Variants in ADAMTS3 observed in about 807,000 individuals in gnomAD.
ADAMTS3 encodes ADAM metallopeptidase with thrombospondin type 1 motif 3.
ADAMTS3 carries 73 observed loss-of-function variants against 129.0 expected under a neutral mutation model. The ratio of observed to expected loss-of-function variants is 0.57; its 90% CI spans 0.47 to 0.69. The LOEUF is 0.69. Among genes scored for constraint, ADAMTS3 ranks in the 30% least tolerant of loss-of-function variants. The probability of loss-of-function intolerance (pLI) is 0.00; values close to 1 mark genes in which losing one functional copy is unlikely to be tolerated. For synonymous variants in ADAMTS3, 477 were observed against 510.8 expected (o/e 0.93, Z 0.89); for missense variants, 1,457 against 1,514.5 (o/e 0.96, Z 0.63).
chr4:72,529,930 A>C (rs182982466), intron 3 of ADAMTS3, among the ~76,000 whole-genome samples: 1 of 39,066 alleles, frequency 2.6e-5, no homozygotes, highest in African/African-American at 9.7e-5. Flanking sequence ...AATATTATAT[A>C]ATATATTATA....
In ADAMTS3 at chr4:72,309,424, T is replaced by C. The variant is rs760660569; in HGVS notation, c.2152A>G (p.Thr718Ala). ...DNSHCRTVKG[T>A]FTRTPRKLGY... is the part of the protein sequence containing the mutation. ...AGCTTCCTGGGAGTTCTGGTAAATGTCCCCTTCACGGTTCGGCAGTGGGAA... is the reference window on the plus strand; with the variant it reads ...AGCTTCCTGGGAGTTCTGGTAAATGCCCCCTTCACGGTTCGGCAGTGGGAA... Residue 718 changes from threonine (T) to alanine (A), a missense_variant, in exon 15 of 22, where the codon ACA becomes GCA. By Grantham distance (58) the Thr-to-Ala change is moderately conservative. Coordinates refer to ENST00000286657, the MANE Select transcript of ADAMTS3 (RefSeq NM_014243.3). The C allele has an allele frequency of 6.2e-7, 1 of 1,612,050 alleles. No homozygotes were observed. The highest frequency in any genetic ancestry group is 8.5e-7 in the Non-Finnish European group (1 of 1,178,562).
intron 4 of ADAMTS3, among the ~76,000 whole-genome samples, chr4:72,340,915 C>T (rs1481334091): frequency 6.6e-6 from 1 of 152,122 alleles, no homozygotes; most frequent in Non-Finnish European, 1.5e-5. Flanking sequence ...ATTTTATAAG[C>T]TGCCTTGATG....
chr4:72,421,133 C>A (rs1474567487), intron 3 of ADAMTS3, among the ~76,000 whole-genome samples: 1 of 152,198 alleles, frequency 6.6e-6, no homozygotes, highest in Non-Finnish European at 1.5e-5. Flanking sequence ...TAGACCATGG[C>A]CTATAAGGCC....
intron 4 of ADAMTS3, among the ~76,000 whole-genome samples, chr4:72,375,183 T>C (rs1240708407): frequency 2.6e-5 from 4 of 152,182 alleles, no homozygotes; most frequent in African/African-American, 7.2e-5. Flanking sequence ...CCCAAAACTA[T>C]GACTCAGTAA....
chr4:72,539,046 T>C (rs982860036), intron 3 of ADAMTS3, among the ~76,000 whole-genome samples: 5 of 151,676 alleles, frequency 3.3e-5, no homozygotes, highest in African/African-American at 1.2e-4. Context: ...ATATAAGACA[T>C]AAAACTAAAA....
intron 2 of ADAMTS3, among the ~76,000 whole-genome samples, chr4:72,555,943 A>G (rs1721753203): frequency 6.6e-6 from 1 of 151,626 alleles, no homozygotes; most frequent in African/African-American, 2.4e-5. Flanking sequence ...ACATTTCCTG[A>G]GGTCCCCCCT....
rs1482451358 is a variant in ADAMTS3, at chr4:72,304,311, G to A, written c.2261-231C>T. Among the ~76,000 whole-genome samples the A allele has an allele frequency of 3.3e-5, 5 of 152,114 alleles. No homozygotes were observed. In the South Asian group the frequency reaches 1.0e-3, roughly 32 times the overall value. On this transcript the variant is annotated intron_variant, in intron 16 of 21. Coordinates refer to ENST00000286657, the MANE Select transcript of ADAMTS3 (RefSeq NM_014243.3). ...AAAAATACAGCAAGATGGTTAAATA[G>A]GCAAAAATAATGTTTGCAAATATTC...
chr4:72,559,593 T>C (rs1721850330), intron 2 of ADAMTS3, among the ~76,000 whole-genome samples: 1 of 151,668 alleles, frequency 6.6e-6, no homozygotes, highest in Admixed American at 6.6e-5. Flanking sequence ...ACCTAAAATG[T>C]ACGGATTAGA....
intron 5 of ADAMTS3, among the ~76,000 whole-genome samples, chr4:72,338,183 C>G (rs77350838): frequency 6.6e-6 from 1 of 152,028 alleles, no homozygotes; most frequent in Admixed American, 6.6e-5. Flanking sequence ...GATAAAGAGA[C>G]AGAAGCAGGA....
chr4:72,317,818 G>A (rs1719439142), intron 10 of ADAMTS3, among the ~76,000 whole-genome samples: 2 of 152,130 alleles, frequency 1.3e-5, no homozygotes, highest in African/African-American at 4.8e-5. Flanking sequence ...ACAAGGTCAA[G>A]GAGTTTGAGA....
chr4:72,349,851 C>T (rs542420146), intron 4 of ADAMTS3, among the ~76,000 whole-genome samples: 3 of 151,938 alleles, frequency 2.0e-5, no homozygotes, highest in South Asian at 2.1e-4. Context: ...ATTGAAGAAG[C>T]GGTCATTCTA....
At chr4:72,426,474 A>C (rs974965058) in intron 3 of ADAMTS3, among the ~76,000 whole-genome samples, 1 of 152,146 alleles carries the variant, frequency 6.6e-6, no homozygotes, top group African/African-American at 2.4e-5. Flanking sequence ...TACCCAAACT[A>C]TAATCTCACT....
At position 72,325,007 on chromosome 4, in the gene ADAMTS3, G is replaced by A. The variant is rs558712255; in HGVS notation, c.862-1910C>T. Among the ~76,000 whole-genome samples the A allele has an allele frequency of 2.6e-5, 4 of 152,026 alleles. No homozygotes were observed. The East Asian group carries it at 7.7e-4, about 29-fold the overall frequency. On this transcript the variant is annotated intron_variant, in intron 5 of 21. Coordinates refer to ENST00000286657, the MANE Select transcript of ADAMTS3 (RefSeq NM_014243.3). ...ACATAATAAAAATAATATCTCATAG[G>A]GTTAGGGTGAGAATTAAGAGAGTTA...
At position 72,550,041 on chromosome 4, in the gene ADAMTS3, AAG is replaced by A. The variant is rs1560564090; in HGVS notation, c.98-1159_98-1158del. On this transcript the variant is annotated intron_variant, in intron 2 of 21. Transcript: ENST00000286657. ...GAAGAAGAAGAAGAAGAAGAAGAAG[AAG>A]AGGAAGAGGAAGAGGAAGAGGAAGA... Among the ~76,000 whole-genome samples, 3 of 12,098 alleles carry A rather than the reference AAG, an allele frequency of 2.5e-4. 1 individual carries two copies. The highest frequency in any genetic ancestry group is 5.4e-3 in the East Asian group (2 of 370). The allele number at this position is 12,098 out of a possible 152,430, so 7.9% of individuals were successfully genotyped here.
intron 5 of ADAMTS3, among the ~76,000 whole-genome samples, chr4:72,330,278 C>CA (rs933663516): frequency 5.9e-5 from 9 of 152,212 alleles, no homozygotes; most frequent in African/African-American, 2.2e-4. Context: ...CTCGGCCTCC[C>CA]AAAGTGCTGG....
At chr4:72,436,031 C>A (rs879504585) in intron 3 of ADAMTS3, among the ~76,000 whole-genome samples, 1 of 151,966 alleles carries the variant, frequency 6.6e-6, no homozygotes, top group Non-Finnish European at 1.5e-5. Context: ...AGAGCTTCTG[C>A]GCAACAAAAG....
At chr4:72,500,661 T>C (rs1719994997) in intron 3 of ADAMTS3, among the ~76,000 whole-genome samples, 1 of 152,180 alleles carries the variant, frequency 6.6e-6, no homozygotes, top group African/African-American at 2.4e-5. Flanking sequence ...GCAATTGCTT[T>C]TGAAGACACA....
intron 3 of ADAMTS3, among the ~76,000 whole-genome samples, chr4:72,492,854 T>C (rs1167477449): frequency 1.3e-5 from 2 of 151,908 alleles, no homozygotes; most frequent in South Asian, 2.1e-4. Context: ...TTCAGATCTA[T>C]CAATATTTAC....
At chr4:72,380,811 A>C (rs1721267620) in intron 4 of ADAMTS3, among the ~76,000 whole-genome samples, 1 of 152,186 alleles carries the variant, frequency 6.6e-6, no homozygotes, top group African/African-American at 2.4e-5. Context: ...ATTGAGAAAC[A>C]AATTCCATAG....
Sources: allele counts gnomAD v4.1 joint callset (sites outside exome capture counted in the v4.1 genomes callset), GRCh38; gene constraint gnomAD v4.1.1; transcripts MANE v1.5; gene names NCBI Gene and HGNC (gene_info 2026-07-23, HGNC 2026-07-21).